The following SEMA4B variants were observed in gnomAD, a reference collection of about 807,000 sequenced individuals.
SEMA4B encodes semaphorin 4B, also known as semaphorin-4B.
In SEMA4B, 55 loss-of-function variants were observed where a neutral mutation model predicts 88.1. The ratio of observed to expected loss-of-function variants is 0.62; its 90% CI spans 0.50 to 0.78. The LOEUF is 0.78. Ranked by LOEUF, SEMA4B falls within the 30% of genes least tolerant of loss-of-function variation. The pLI is 0.00. For missense variants in SEMA4B, 1,062 were observed against 1,111.9 expected (o/e 0.96, Z 0.64); for synonymous variants, 525 against 473.6 (o/e 1.11, Z -1.41).
At chr15:90,194,354 G>T (rs1381776069) in intron 1 of SEMA4B, among the ~76,000 whole-genome samples, 1 of 151,798 alleles carries the variant, frequency 6.6e-6, no homozygotes, top group East Asian at 2.0e-4. Flanking sequence ...CCAACATGGT[G>T]AAACCTCGTC....
At chr15:90,203,658 A>G (rs1960851487) in intron 1 of SEMA4B, among the ~76,000 whole-genome samples, 1 of 152,204 alleles carries the variant, frequency 6.6e-6, no homozygotes, top group South Asian at 2.1e-4. Flanking sequence ...GGCTTCTGTC[A>G]CGCACCAGCA....
At chr15:90,219,668 T>C (rs542651876) in intron 3 of SEMA4B, 125 bp from the exon 4 acceptor site, 1 of 670,706 alleles carries the variant, frequency 1.5e-6, no homozygotes, top group East Asian at 2.7e-5. Context: ...GTTCCTAGAC[T>C]TGAGTGCCCC....
Position 90,221,041 on chromosome 15 carries a change from C to T in SEMA4B, c.543C>T (p.Gly181=), listed in dbSNP as rs980875164. 1.1e-5 allele frequency: 18 copies of T among 1,611,224 alleles called. No homozygotes were observed. The highest frequency in any genetic ancestry group is 1.6e-4 in the Middle Eastern group (1 of 6,080). ...AGGGGAATGTCCTCCTGGAAGATGG[C>T]AAGGGCCGTTGTCCCTTCGACCCGA... The part of the protein sequence containing the change: ...DEKGNVLLED[G]KGRCPFDPNF... The change falls in exon 5 of 14, where the codon GGC becomes GGT. Residue 181 remains glycine (G), a synonymous_variant. Coordinates refer to ENST00000411539, the MANE Select transcript of SEMA4B (RefSeq NM_198925.4).
Position 90,229,325 on chromosome 15 carries a change from C to A in SEMA4B, c.*682C>A, listed in dbSNP as rs150106856. Reference sequence around the variant, plus strand: ...GCTGTGGCCACACGAGAGGACAGCGCGAGCTCAGGAGAGATTTCGTGACAA... The same window carrying A: ...GCTGTGGCCACACGAGAGGACAGCGAGAGCTCAGGAGAGATTTCGTGACAA... On this transcript the variant is annotated 3_prime_UTR_variant, in exon 14 of 14. Transcript: ENST00000411539. 1 of 456,926 alleles carries A rather than the reference C, an allele frequency of 2.2e-6. No homozygotes were observed. The highest frequency in any genetic ancestry group is 4.4e-6 in the Non-Finnish European group (1 of 227,020). 28.3% of individuals were successfully genotyped at this position (456,926 alleles called of 1,614,324 possible).
upstream of SEMA4B, among the ~76,000 whole-genome samples, chr15:90,197,476 C>T (rs1413589550): frequency 1.3e-5 from 2 of 151,412 alleles, no homozygotes; most frequent in East Asian, 2.0e-4. Context: ...CTCGCTCTGT[C>T]CCCCAGGCTG....
chr15:90,220,097 CG>C, intron 4 of SEMA4B: 1 of 532,668 alleles, frequency 1.9e-6, no homozygotes, highest in Non-Finnish European at 3.3e-6. Flanking sequence ...TGCGGGGAGG[CG>C]GGGGCACATG....
In SEMA4B at chr15:90,225,835, C is replaced by T. The variant is rs756786012; in HGVS notation, c.1688+8C>T. The T allele has an allele frequency of 4.8e-5, 72 of 1,509,746 alleles. No homozygotes were observed. Among genetic ancestry groups the T allele is most frequent in the Non-Finnish European group, 6.0e-5 (68 of 1,130,280 alleles). 93.5% of individuals were successfully genotyped at this position (1,509,746 alleles called of 1,614,324 possible). On this transcript the variant is annotated splice_region_variant and intron_variant, in intron 12 of 13. Coordinates refer to ENST00000411539, the MANE Select transcript of SEMA4B (RefSeq NM_198925.4). ...GCCTCAGCTGGCCACCAGGTGAGCA[C>T]TCCCAAAGGCCCCTTCCCATCTGTC...
chr15:90,202,615 T>G (rs2151594694), intron 1 of SEMA4B, among the ~76,000 whole-genome samples: 1 of 152,364 alleles, frequency 6.6e-6, no homozygotes, highest in East Asian at 1.9e-4. Flanking sequence ...AGTAAGTGCC[T>G]TCTGCTCCCA....
Position 90,228,260 on chromosome 15 carries a change from G to A in SEMA4B, c.2131G>A (p.Asp711Asn). Reference protein sequence around the residue: ...PAGGKASWGADRSYWKEFLVM... With the variant: ...PAGGKASWGANRSYWKEFLVM... Reference sequence around the variant, plus strand: ...TGGTGGCAAGGCCAGCTGGGGTGCAGACAGGTCCTACTGGAAGGAGTTCCT... The same window carrying A: ...TGGTGGCAAGGCCAGCTGGGGTGCAAACAGGTCCTACTGGAAGGAGTTCCT... Residue 711 changes from aspartate (D) to asparagine (N), a missense_variant, in exon 14 of 14, where the codon GAC (aspartate) becomes AAC (asparagine). Coordinates refer to ENST00000411539, the MANE Select transcript of SEMA4B (RefSeq NM_198925.4). The A allele has an allele frequency of 6.3e-7, 1 of 1,594,360 alleles. No individual in the cohort carries two copies. The highest frequency in any genetic ancestry group is 8.6e-7 in the Non-Finnish European group (1 of 1,169,466).
Position 90,201,340 on chromosome 15 carries a change from G to T in SEMA4B, c.-239G>T. 2 of 1,207,336 alleles carry T rather than the reference G, an allele frequency of 1.7e-6. No homozygotes were observed. The highest frequency in any genetic ancestry group is 2.1e-6 in the Non-Finnish European group (2 of 971,708). 74.8% of individuals were successfully genotyped at this position (1,207,336 alleles called of 1,614,324 possible). A position where few individuals can be genotyped will look rare whatever the true frequency, so the allele number is the denominator to read the frequency against. On this transcript the variant is annotated 5_prime_UTR_variant, in exon 1 of 14. Coordinates refer to ENST00000411539, the MANE Select transcript of SEMA4B (RefSeq NM_198925.4). Reference sequence around the variant, plus strand: ...GCCCCGCCCTCCGCCGCTTGCGGGTGAGCTCTGCCCAAGCCGAGGCTGCGG... The same window carrying T: ...GCCCCGCCCTCCGCCGCTTGCGGGTTAGCTCTGCCCAAGCCGAGGCTGCGG...
At position 90,228,537 on chromosome 15, in the gene SEMA4B, C is replaced by CAT; in HGVS notation, c.2409_2410insTA (p.Glu804Ter). ...CCGGGGTCCCGAGTCTTCACTGAGT[C>CAT]AGAGAAGAGGCCACTCAGCATCCAA... On this transcript the variant is annotated frameshift_variant, in exon 14 of 14. Coordinates refer to ENST00000411539, the MANE Select transcript of SEMA4B (RefSeq NM_198925.4). LOFTEE classifies it high-confidence loss of function. 6.2e-7 allele frequency: 1 copy of CAT among 1,612,860 alleles called. No homozygotes were observed.
At position 90,201,734 on chromosome 15, in the gene SEMA4B, G is replaced by A; in HGVS notation, c.156G>A (p.Leu52=). Residue 52 remains leucine (L), a splice_region_variant and synonymous_variant, in exon 1 of 14, where the codon CTG becomes CTA. Coordinates refer to ENST00000411539, the MANE Select transcript of SEMA4B (RefSeq NM_198925.4). ...WALSPRISLP[L]GSEERPFLRF... ...TCAGCCCCCGGATCAGCCTGCCTCT[G>A]GGTGAGTGCCGGGGACCCGGGGACG... The A allele has an allele frequency of 6.9e-7, 1 of 1,446,068 alleles. No individual in the cohort carries two copies. The highest frequency in any genetic ancestry group is 9.1e-7 in the Non-Finnish European group (1 of 1,104,182). 89.6% of individuals were successfully genotyped at this position (1,446,068 alleles called of 1,614,324 possible).
intron 1 of SEMA4B, among the ~76,000 whole-genome samples, chr15:90,188,004 CAA>C (rs61167091): frequency 0.2 from 25,137 of 124,378 alleles, 2,572 homozygotes; most frequent in African/African-American, 0.31. Context: ...GACTCCATCT[CAA>C]AAAAAAAAAA....
chr15:90,208,716 C>A (rs1434652411), intron 1 of SEMA4B, among the ~76,000 whole-genome samples: 1 of 151,908 alleles, frequency 6.6e-6, no homozygotes, highest in Non-Finnish European at 1.5e-5. Context: ...AGCTGTCATA[C>A]TTCCACCTGT....
At position 90,229,377 on chromosome 15, in the gene SEMA4B, G is replaced by C; in HGVS notation, c.*734G>C. On this transcript the variant is annotated 3_prime_UTR_variant, in exon 14 of 14. Coordinates refer to ENST00000411539, the MANE Select transcript of SEMA4B (RefSeq NM_198925.4). ...GTACGCCTTTCCCTCAGAATTCAGG[G>C]AAGAGACTGTCGCCTGCCTTCCTCC... The C allele has an allele frequency of 4.4e-6, 2 of 456,762 alleles. No individual in the cohort carries two copies. The highest frequency in any genetic ancestry group is 8.8e-6 in the Non-Finnish European group (2 of 226,990). The allele number at this position is 456,762 out of a possible 1,614,324, so 28.3% of individuals were successfully genotyped here. A position where few individuals can be genotyped will look rare whatever the true frequency, so the allele number is the denominator to read the frequency against.
chr15:90,193,325 C>A (rs1248632593), intron 1 of SEMA4B: 2 of 152,230 alleles, frequency 1.3e-5, no homozygotes, highest in African/African-American at 4.8e-5. Context: ...CATCAGCACA[C>A]TAACGGAAGA....
upstream of SEMA4B, among the ~76,000 whole-genome samples, chr15:90,197,306 C>T (rs960103979): frequency 2.0e-5 from 3 of 151,980 alleles, no homozygotes; most frequent in Admixed American, 6.6e-5. Context: ...GGAAGGATTG[C>T]TTGAGCCTGA....
In SEMA4B at chr15:90,228,542, A is replaced by G. The variant is rs1428521080; in HGVS notation, c.2413A>G (p.Lys805Glu). The G allele has an allele frequency of 6.2e-7, 1 of 1,612,986 alleles. No individual in the cohort carries two copies. The change falls in exon 14 of 14, where the codon AAG becomes GAG. Residue 805 changes from lysine (K) to glutamate (E), a missense_variant. Lys to Glu is a moderately conservative substitution (Grantham distance 56). Coordinates refer to ENST00000411539, the MANE Select transcript of SEMA4B (RefSeq NM_198925.4). ...PGSRVFTESE[K>E]RPLSIQDSFV... ...GTCCCGAGTCTTCACTGAGTCAGAG[A>G]AGAGGCCACTCAGCATCCAAGACAG...
At position 90,212,480 on chromosome 15, in the gene SEMA4B, C is replaced by T. The variant is rs766413495; in HGVS notation, c.158-4959C>T. Among the ~76,000 whole-genome samples the T allele has an allele frequency of 1.1e-4, 17 of 152,242 alleles. No individual in the cohort carries two copies. Among genetic ancestry groups the T allele is most frequent in the Admixed American group, 2.6e-4 (4 of 15,294 alleles). ...GAGCAGCACAGGCAGCCCAGGAGAG[C>T]GAGCGAGACACTCTTTGACACAAGG... On this transcript the variant is annotated intron_variant, in intron 1 of 13. Coordinates refer to ENST00000411539, the MANE Select transcript of SEMA4B (RefSeq NM_198925.4). The surrounding 1 kb of genome is among the most constrained non-coding windows in gnomAD (Gnocchi z 4.0).
Sources: gnomAD v4.1 joint callset for allele counts (sites outside exome capture counted in the v4.1 genomes callset) on GRCh38, gnomAD v4.1.1 for gene constraint, Gnocchi (gnomAD v3.1) non-coding constraint, MANE v1.5 for transcripts, NCBI Gene and HGNC (gene_info 2026-07-23, HGNC 2026-07-21) for gene names.